Variants in COMMD10 observed in about 807,000 individuals in gnomAD.
The protein encoded by COMMD10 is COMM domain containing 10.
Under a neutral mutation model 28.9 loss-of-function variants are expected in COMMD10, and 33 were observed. That is an observed-to-expected ratio of 1.14 (90% CI 0.87 to 1.53). The LOEUF (loss-of-function observed/expected upper bound fraction) is 1.53, where lower values mean the gene tolerates loss of function less well. Among genes scored for constraint, COMMD10 ranks in the 40% most tolerant of loss-of-function variants. The probability of loss-of-function intolerance (pLI) is 0.00; values close to 1 mark genes in which losing one functional copy is unlikely to be tolerated. For synonymous variants in COMMD10, 110 were observed against 81.7 expected, an observed-to-expected ratio of 1.35 and a Z score of -1.87; for missense variants, 310 against 233.4, an observed-to-expected ratio of 1.33 and a Z score of -2.14.
At chr5:116,172,551 A>AT (rs996426777) in intron 5 of COMMD10, among the ~76,000 whole-genome samples, 19 of 152,130 alleles carry the variant, frequency 1.2e-4, no homozygotes, top group Non-Finnish European at 2.4e-4. Context: ...GGTCGGAAAT[A>AT]TTTAAGTGTT....
At chr5:116,121,350 A>G (rs2112751774) in intron 4 of COMMD10, among the ~76,000 whole-genome samples, 1 of 152,306 alleles carries the variant, frequency 6.6e-6, no homozygotes, top group South Asian at 2.1e-4. Context: ...CGTGGTGTAT[A>G]TGTGCCACAT....
chr5:116,247,885 G>A (rs1385999865), intron 5 of COMMD10, among the ~76,000 whole-genome samples: 1 of 151,952 alleles, frequency 6.6e-6, no homozygotes, highest in Non-Finnish European at 1.5e-5. Context: ...TCTGGTTGAT[G>A]AAATAATCTG....
chr5:116,241,242 C>A (rs544077158), intron 5 of COMMD10, among the ~76,000 whole-genome samples: 25 of 152,074 alleles, frequency 1.6e-4, no homozygotes, highest in Admixed American at 5.2e-4. Context: ...TTAGTTTAAC[C>A]GTAGGTGGAC....
At chr5:116,093,282 A>T (rs1265722053) in intron 4 of COMMD10, among the ~76,000 whole-genome samples, 1 of 152,226 alleles carries the variant, frequency 6.6e-6, no homozygotes, top group South Asian at 2.1e-4. Flanking sequence ...GAACCAAAAT[A>T]GTGAGTAGGT....
intron 4 of COMMD10, among the ~76,000 whole-genome samples, chr5:116,094,452 C>CA (rs1160798069): frequency 6.6e-6 from 1 of 152,032 alleles, no homozygotes; most frequent in East Asian, 1.9e-4. Context: ...AAATGCAAGT[C>CA]AAAACCAAAC....
chr5:116,171,868 C>G (rs1753347054), intron 5 of COMMD10, among the ~76,000 whole-genome samples: 1 of 152,044 alleles, frequency 6.6e-6, no homozygotes. Flanking sequence ...AGGAGAAATA[C>G]CTAATGTAGA....
intron 5 of COMMD10, among the ~76,000 whole-genome samples, chr5:116,139,978 A>T (rs950885484): frequency 6.6e-6 from 1 of 151,718 alleles, no homozygotes; most frequent in African/African-American, 2.4e-5. Context: ...TGTACATCAG[A>T]TCTCCAGACT....
intron 5 of COMMD10, among the ~76,000 whole-genome samples, chr5:116,209,544 T>C (rs1459572053): frequency 3.3e-5 from 5 of 152,166 alleles, no homozygotes; most frequent in Admixed American, 3.3e-4. Flanking sequence ...TAAAAGGACG[T>C]ATTTGTTTAT....
intron 5 of COMMD10, among the ~76,000 whole-genome samples, chr5:116,211,746 T>A (rs1748969384): frequency 1.3e-5 from 2 of 152,096 alleles, no homozygotes; most frequent in South Asian, 4.1e-4. Flanking sequence ...TAAATGTCTA[T>A]TTGCAGCTAC....
intron 5 of COMMD10, among the ~76,000 whole-genome samples, chr5:116,221,109 A>G (rs879397239): frequency 5.2e-4 from 78 of 151,090 alleles, no homozygotes; most frequent in Middle Eastern, 6.8e-3. Context: ...AACTGTTCCA[A>G]AGGCACATTG....
chr5:116,116,629 G>A (rs1311531214), intron 4 of COMMD10, among the ~76,000 whole-genome samples: 21 of 152,060 alleles, frequency 1.4e-4, no homozygotes, highest in African/African-American at 3.9e-4. Context: ...CTGACTATAC[G>A]TGGTTGTGAG....
At chr5:116,151,411 T>C (rs1274076068) in intron 5 of COMMD10, among the ~76,000 whole-genome samples, 2 of 152,126 alleles carry the variant, frequency 1.3e-5, no homozygotes, top group African/African-American at 4.8e-5. Flanking sequence ...TTTCTATTGA[T>C]TGGAATAGTT....
chr5:116,253,096 C>CT (rs1750168408), intron 5 of COMMD10, among the ~76,000 whole-genome samples: 1 of 67,592 alleles, frequency 1.5e-5, no homozygotes, highest in South Asian at 6.1e-4. Context: ...ATTTGGCTCT[C>CT]TGTCTGTTAT....
chr5:116,239,686 A>G (rs1749764505), intron 5 of COMMD10, among the ~76,000 whole-genome samples: 1 of 152,160 alleles, frequency 6.6e-6, no homozygotes, highest in South Asian at 2.1e-4. Context: ...GTGCAAACCA[A>G]TTAAAAGCCC....
chr5:116,136,049 C>T (rs1002115792), intron 5 of COMMD10, among the ~76,000 whole-genome samples: 4 of 152,190 alleles, frequency 2.6e-5, no homozygotes, highest in Admixed American at 6.5e-5. Flanking sequence ...CTACCATCAT[C>T]ATCAATAAAA....
intron 4 of COMMD10, among the ~76,000 whole-genome samples, chr5:116,098,495 T>G (rs761146138): frequency 6.6e-6 from 1 of 152,206 alleles, no homozygotes; most frequent in Non-Finnish European, 1.5e-5. Context: ...AAAGTGAAAC[T>G]TGAATTTGCC....
intron 5 of COMMD10, among the ~76,000 whole-genome samples, chr5:116,181,950 T>C (rs1324102624): frequency 6.6e-6 from 1 of 152,216 alleles, no homozygotes; most frequent in East Asian, 1.9e-4. Context: ...CCTGCCCCCA[T>C]GGAGTTTATA....
In COMMD10 at chr5:116,281,323, G is replaced by T. The variant is rs564224298; in HGVS notation, c.511-10194G>T. ...AGACCTTACTGAATTCTATTTCCAT[G>T]GGAATTTTGCTAATGGGTATGTGCA... On this transcript the variant is annotated intron_variant, in intron 5 of 6. Coordinates refer to ENST00000274458, the MANE Select transcript of COMMD10 (RefSeq NM_016144.4). Among the ~76,000 whole-genome samples the T allele has an allele frequency of 5.3e-5, 8 of 151,730 alleles. 1 individual carries two copies. Among genetic ancestry groups the T allele is most frequent in the African/African-American group, 1.9e-4 (8 of 41,190 alleles).
intron 5 of COMMD10, among the ~76,000 whole-genome samples, chr5:116,149,301 T>C (rs1188918803): frequency 2.1e-5 from 3 of 143,920 alleles, no homozygotes; most frequent in Non-Finnish European, 4.5e-5. Context: ...TTGTGAATAG[T>C]GCCGCAATAA....
Sources: gnomAD v4.1 joint callset for allele counts (sites outside exome capture counted in the v4.1 genomes callset) on GRCh38, gnomAD v4.1.1 for gene constraint, MANE v1.5 for transcripts, NCBI Gene and HGNC (gene_info 2026-07-23, HGNC 2026-07-21) for gene names.